The following NFIX variants were observed in gnomAD, a reference collection of about 807,000 sequenced individuals.
NFIX encodes the protein nuclear factor I X.
In NFIX, 2 loss-of-function variants were observed where a neutral mutation model predicts 53.3. The observed-to-expected ratio is 0.04, with a 90% CI of 0.02 to 0.12. The LOEUF is 0.12. NFIX is among the 10% of genes least tolerant of loss of function. The pLI, the probability that NFIX is intolerant of heterozygous loss-of-function variation, is 1.00. For missense variants in NFIX, 310 were observed against 674.5 expected, an observed-to-expected ratio of 0.46 and a Z score of 5.99; for synonymous variants, 244 against 289.0, an observed-to-expected ratio of 0.84 and a Z score of 1.58.
chr19:13,051,695 C>A lies in NFIX; in HGVS notation c.560-21352C>A, dbSNP rs1395600506. Among the ~76,000 whole-genome samples, 2 of 152,168 alleles carry A rather than the reference C, an allele frequency of 1.3e-5. No homozygotes were observed. Among genetic ancestry groups the A allele is most frequent in the Admixed American group, 6.5e-5 (1 of 15,286 alleles). ...TTCTTGGCCCTCTCCTCTCCCTGGG[C>A]CTCTTCCCCACGTGGCTCATTACAA... is the stretch of plus-strand genomic sequence containing the variant. On this transcript the variant is annotated intron_variant, in intron 2 of 10. Transcript: ENST00000592199. This position sits in a 1 kb window ranked among gnomAD's most constrained non-coding sequence, Gnocchi z 5.1.
Position 13,027,013 on chromosome 19 carries a change from C to T in NFIX, c.559+1461C>T, listed in dbSNP as rs901731305. ...TATAACTGGATCCAGAAATAAAATT[C>T]GGGTTTGGGGGTGCTTTCAGCACTG... On this transcript the variant is annotated intron_variant, in intron 2 of 10. Transcript: ENST00000592199. The surrounding 1 kb of genome is among the most constrained non-coding windows in gnomAD (Gnocchi z 4.3). Among the ~76,000 whole-genome samples, 4 of 152,112 alleles carry T rather than the reference C, an allele frequency of 2.6e-5. No individual in the cohort carries two copies. Among genetic ancestry groups the T allele is most frequent in the East Asian group, 3.8e-4 (2 of 5,198 alleles).
In NFIX at chr19:13,078,759, G is replaced by A. The variant is rs750303463; in HGVS notation, c.1078+24G>A. 6 of 1,586,600 alleles carry A rather than the reference G, an allele frequency of 3.8e-6. No homozygotes were observed. The highest frequency in any genetic ancestry group is 5.1e-6 in the Non-Finnish European group (6 of 1,165,840). On this transcript the variant is annotated intron_variant, in intron 7 of 10. Coordinates refer to ENST00000592199, the MANE Select transcript of NFIX (RefSeq NM_001365902.3). This position sits in a 1 kb window ranked among gnomAD's most constrained non-coding sequence, Gnocchi z 4.7. ...AGGTGAGAAATGGGGGGCCCCGGAG[G>A]GGGGCAGTTGGGGAGGTGGCTGAGT...
rs2015969997 is a variant in NFIX, at chr19:13,060,019, C to T, written c.560-13028C>T. Among the ~76,000 whole-genome samples the T allele has an allele frequency of 6.6e-6, 1 of 152,062 alleles. No individual in the cohort carries two copies. The highest frequency in any genetic ancestry group is 2.1e-4 in the South Asian group (1 of 4,828). ...CCCTGGGTGGTCTCGAACTCCTGAG[C>T]TCAGGCGATCCACTCGCCTCAGCCT... On this transcript the variant is annotated intron_variant, in intron 2 of 10. Coordinates refer to ENST00000592199, the MANE Select transcript of NFIX (RefSeq NM_001365902.3). The surrounding 1 kb of genome is among the most constrained non-coding windows in gnomAD (Gnocchi z 4.3).
At position 13,037,501 on chromosome 19, in the gene NFIX, A is replaced by G. The variant is rs952334560; in HGVS notation, c.559+11949A>G. 6.6e-6 allele frequency among the ~76,000 whole-genome samples: 1 copy of G among 152,202 alleles called. No homozygotes were observed. Among genetic ancestry groups the G allele is most frequent in the East Asian group, 1.9e-4 (1 of 5,196 alleles). On this transcript the variant is annotated intron_variant, in intron 2 of 10. Coordinates refer to ENST00000592199, the MANE Select transcript of NFIX (RefSeq NM_001365902.3). The surrounding 1 kb of genome is among the most constrained non-coding windows in gnomAD (Gnocchi z 4.2). ...TATTCTGGCCCCAGAAGAAACTATG[A>G]GGTGGGATATAATCTTTTTAGGTGT...
chr19:13,047,692 G>A (rs888867660), intron 2 of NFIX, among the ~76,000 whole-genome samples: 5 of 152,190 alleles, frequency 3.3e-5, no homozygotes, highest in Non-Finnish European at 7.3e-5. Flanking sequence ...AGGCCATGGG[G>A]AGGAGACCCT....
Position 13,025,146 on chromosome 19 carries a change from C to A in NFIX, c.153C>A (p.Asp51Glu). ...FKKHEKRMSK[D>E]EERAVKDELL... ...AGCATGAAAAGCGGATGTCGAAGGA[C>A]GAGGAGCGGGCGGTGAAGGACGAGC... Residue 51 changes from aspartate (D) to glutamate (E), a missense_variant, in exon 2 of 11, where the codon GAC becomes GAA. Physicochemically the swap from Asp to Glu is conservative, Grantham distance 45. Transcript: ENST00000592199. The surrounding 1 kb of genome is among the most constrained non-coding windows in gnomAD (Gnocchi z 7.5). 6.8e-6 allele frequency: 11 copies of A among 1,614,216 alleles called. No individual in the cohort carries two copies. The highest frequency in any genetic ancestry group is 9.3e-6 in the Non-Finnish European group (11 of 1,180,036).
At chr19:13,003,103 G>A (rs915390465) in intron 1 of NFIX, among the ~76,000 whole-genome samples, 1 of 144,450 alleles carries the variant, frequency 6.9e-6, no homozygotes, top group African/African-American at 2.4e-5. Flanking sequence ...TGGGGAGTTG[G>A]GGGGGGGTTT....
chr19:13,087,734 G>A (rs1248961154), intron 8 of NFIX, among the ~76,000 whole-genome samples: 2 of 120,340 alleles, frequency 1.7e-5, no homozygotes, highest in Admixed American at 1.1e-4. Context: ...ACCACCCGTC[G>A]AACACCCCCT....
At chr19:13,055,866 C>T (rs1329358814) in intron 2 of NFIX, among the ~76,000 whole-genome samples, 1 of 152,192 alleles carries the variant, frequency 6.6e-6, no homozygotes, top group Non-Finnish European at 1.5e-5. Flanking sequence ...CCTCATCTCA[C>T]CTCGCGCCTC....
At position 13,088,882 on chromosome 19, in the gene NFIX, A is replaced by C. The variant is rs1003017628; in HGVS notation, c.1402+746A>C. Among the ~76,000 whole-genome samples, 6 of 151,620 alleles carry C rather than the reference A, an allele frequency of 4.0e-5. No homozygotes were observed. The highest frequency in any genetic ancestry group is 1.5e-4 in the African/African-American group (6 of 41,224). ...TTTTTTTCCTCTTAAACCAATGACA[A>C]ATTTTGTCAAAGGGAAAAGAAGAAA... On this transcript the variant is annotated intron_variant, in intron 9 of 10. Coordinates refer to ENST00000592199, the MANE Select transcript of NFIX (RefSeq NM_001365902.3). The surrounding 1 kb of genome is among the most constrained non-coding windows in gnomAD (Gnocchi z 5.9).
chr19:13,092,330 T>G (rs965183311), intron 10 of NFIX, among the ~76,000 whole-genome samples: 1 of 152,220 alleles, frequency 6.6e-6, no homozygotes, highest in Admixed American at 6.5e-5. Flanking sequence ...AGAAAGCCAC[T>G]CTGTGCTTGG....
At chr19:13,019,712 G>GT (rs34286064) in intron 1 of NFIX, among the ~76,000 whole-genome samples, 39 of 137,922 alleles carry the variant, frequency 2.8e-4, no homozygotes, top group South Asian at 4.4e-4. Flanking sequence ...ACTGTTGCTG[G>GT]TTTTTTTTTT....
intron 2 of NFIX, among the ~76,000 whole-genome samples, chr19:13,047,233 T>C (rs559692318): frequency 6.6e-6 from 1 of 152,192 alleles, no homozygotes; most frequent in African/African-American, 2.4e-5. Context: ...TTTCTTTCTT[T>C]CTTTCTTTTT....
intron 2 of NFIX, among the ~76,000 whole-genome samples, chr19:13,050,153 C>A (rs2015239539): frequency 1.3e-5 from 2 of 152,252 alleles, no homozygotes; most frequent in African/African-American, 4.8e-5. Flanking sequence ...CCTTAGTGGG[C>A]ACCCAGGGTC....
At position 13,090,460 on chromosome 19, in the gene NFIX, G is replaced by T; in HGVS notation, c.1494+70G>T. The T allele has an allele frequency of 7.0e-7, 1 of 1,423,696 alleles. No homozygotes were observed. The allele number at this position is 1,423,696 out of a possible 1,614,324, so 88.2% of individuals were successfully genotyped here. Reference sequence around the variant, plus strand: ...AGTCAGGGTTGGGGGGCATCTTGGTGTTAGGGAAGAGCCTGGAGTCCTTGG... The same window carrying T: ...AGTCAGGGTTGGGGGGCATCTTGGTTTTAGGGAAGAGCCTGGAGTCCTTGG... On this transcript the variant is annotated intron_variant, in intron 10 of 10. Transcript: ENST00000592199. This position sits in a 1 kb window ranked among gnomAD's most constrained non-coding sequence, Gnocchi z 6.6.
chr19:13,077,455 C>G (rs991789634), intron 6 of NFIX, among the ~76,000 whole-genome samples: 2 of 152,170 alleles, frequency 1.3e-5, no homozygotes, highest in Non-Finnish European at 2.9e-5. Flanking sequence ...AGGCACTGTG[C>G]GGCCATGGGG....
rs558913679 is a variant in NFIX at position 13,005,586 on chromosome 19, T to C, written c.27+9722T>C. 6.6e-6 allele frequency among the ~76,000 whole-genome samples: 1 copy of C among 152,328 alleles called. No homozygotes were observed. Among genetic ancestry groups the C allele is most frequent in the Non-Finnish European group, 1.5e-5 (1 of 68,034 alleles). ...TTGATGTGAAAACCTGCTTTGATTT[T>C]ATGGATGAAAAACCAAGACTCAGTA... On this transcript the variant is annotated intron_variant, in intron 1 of 10. Transcript: ENST00000592199. This position sits in a 1 kb window ranked among gnomAD's most constrained non-coding sequence, Gnocchi z 4.7.
At chr19:13,054,591 A>ACT (rs2015532878) in intron 2 of NFIX, among the ~76,000 whole-genome samples, 3 of 151,696 alleles carry the variant, frequency 2.0e-5, no homozygotes, top group African/African-American at 7.3e-5. Context: ...AGGGAGTCCT[A>ACT]CTCCAAGAGT....
intron 1 of NFIX, among the ~76,000 whole-genome samples, chr19:13,020,798 C>T (rs1310641370): frequency 2.0e-5 from 3 of 152,152 alleles, no homozygotes; most frequent in Non-Finnish European, 2.9e-5. Context: ...AGGAGCCAGT[C>T]GTGCATCTTG....
Sources: gnomAD v4.1 joint callset for allele counts (sites outside exome capture counted in the v4.1 genomes callset) on GRCh38, gnomAD v4.1.1 for gene constraint, Gnocchi (gnomAD v3.1) non-coding constraint, MANE v1.5 for transcripts, NCBI Gene and HGNC (gene_info 2026-07-23, HGNC 2026-07-21) for gene names.